ACTL7B: variants seen among roughly 807,000 people sequenced by gnomAD.
ACTL7B encodes the protein actin-like protein 7B.
A neutral mutation model predicts 17.5 loss-of-function variants in ACTL7B; 14 were observed. That is an observed-to-expected ratio of 0.80 (90% CI 0.53 to 1.25). The LOEUF (loss-of-function observed/expected upper bound fraction) is 1.25, where lower values mean the gene tolerates loss of function less well. ACTL7B is among the 50% of genes most tolerant of loss of function. The pLI is 0.00. For missense variants in ACTL7B, 599 were observed against 573.9 expected, an observed-to-expected ratio of 1.04 and a Z score of -0.45; for synonymous variants, 267 against 252.4, an observed-to-expected ratio of 1.06 and a Z score of -0.55.
At position 108,855,821 on chromosome 9, in the gene ACTL7B, G is replaced by A; in HGVS notation, c.110C>T (p.Thr37Ile). The change falls in exon 1 of 1, where the codon ACT (threonine) becomes ATT (isoleucine). Residue 37 changes from threonine (T) to isoleucine (I), a missense_variant. Transcript: ENST00000374667. ...DASLRDTGAA[T>I]QLKMKPRKVH... ...CTTCCTGGGCTTCATCTTGAGCTGA[G>A]TGGCCGCACCTGTGTCCCGGAGGCT... The A allele has an allele frequency of 6.2e-7, 1 of 1,611,410 alleles. No individual in the cohort carries two copies. Among genetic ancestry groups the A allele is most frequent in the Non-Finnish European group, 8.5e-7 (1 of 1,180,010 alleles).
Position 108,854,778 on chromosome 9 carries a change from A to G in ACTL7B, c.1153T>C (p.Ser385Pro). ...AAGGCCTGCAGGGAGGCCAGGATGG[A>G]ACCGCCGGTCCACACGGAGGTCTTC... ...ERKTSVWTGG[S>P]ILASLQAFQQ... The change falls in exon 1 of 1, where the codon TCC becomes CCC. Residue 385 changes from serine to proline, a missense_variant. By Grantham distance (74) the Ser-to-Pro change is moderately conservative. Transcript: ENST00000374667. The G allele has an allele frequency of 6.3e-7, 1 of 1,599,848 alleles. No homozygotes were observed. Among genetic ancestry groups the G allele is most frequent in the Non-Finnish European group, 8.5e-7 (1 of 1,172,186 alleles).
rs146150612 is a variant in ACTL7B at position 108,855,858 on chromosome 9, C to T, written c.73G>A (p.Gly25Ser). Reference sequence around the variant, plus strand: ...GTGTCCCGGAGGCTGGCGTCAGGGCCGGGCCGTGTTCCTGCCTCTCCAGGG... The same window carrying T: ...GTGTCCCGGAGGCTGGCGTCAGGGCTGGGCCGTGTTCCTGCCTCTCCAGGG... The part of the protein sequence containing the change: ...GDPGEAGTRP[G>S]PDASLRDTGA... The change falls in exon 1 of 1, where the codon GGC (glycine) becomes AGC (serine). Residue 25 changes from glycine to serine, a missense_variant. Physicochemically the swap from Gly to Ser is moderately conservative, Grantham distance 56. Coordinates refer to ENST00000374667, the MANE Select transcript of ACTL7B (RefSeq NM_006686.4). 5 of 1,610,784 alleles carry T rather than the reference C, an allele frequency of 3.1e-6. No homozygotes were observed. The African/African-American group carries it at 4.0e-5, about 13-fold the overall frequency.
chr9:108,854,755 G>C lies in ACTL7B; in HGVS notation c.1176C>G (p.Ala392=), dbSNP rs757396032. 5 of 1,576,226 alleles carry C rather than the reference G, an allele frequency of 3.2e-6. No individual in the cohort carries two copies. The East Asian group carries it at 9.0e-5, about 28-fold the overall frequency. Residue 392 remains alanine, a synonymous_variant, in exon 1 of 1, where the codon GCC becomes GCG. Coordinates refer to ENST00000374667, the MANE Select transcript of ACTL7B (RefSeq NM_006686.4). ...TGGSILASLQ[A]FQQLWVSKEE... is the part of the protein sequence containing the mutation. ...CCTTGCTGACCCAGAGCTGTTGGAA[G>C]GCCTGCAGGGAGGCCAGGATGGAAC...
chr9:108,854,923 G>A lies in ACTL7B; in HGVS notation c.1008C>T (p.Ala336=), dbSNP rs1216922244. The A allele has an allele frequency of 1.3e-6, 2 of 1,516,200 alleles. No individual in the cohort carries two copies. Among genetic ancestry groups the A allele is most frequent in the Admixed American group, 2.2e-5 (1 of 44,838 alleles). The allele number at this position is 1,516,200 out of a possible 1,614,324, so 93.9% of individuals were successfully genotyped here. Residue 336 remains alanine, a synonymous_variant, in exon 1 of 1, where the codon GCC becomes GCT. Transcript: ENST00000374667. ...AGCCGCCACACAGTAGCACGTTGGC[G>A]GCCATCTCCTCCTTGAAGCCCGTGT... ...CQDTGFKEEM[A]ANVLLCGGCT...
Position 108,855,514 on chromosome 9 carries a change from C to G in ACTL7B, c.417G>C (p.Lys139Asn), listed in dbSNP as rs962431163. 5 of 1,613,608 alleles carry G rather than the reference C, an allele frequency of 3.1e-6. No homozygotes were observed. The highest frequency in any genetic ancestry group is 4.2e-6 in the Non-Finnish European group (5 of 1,180,048). Residue 139 changes from lysine to asparagine, a missense_variant, in exon 1 of 1, where the codon AAG becomes AAC. Physicochemically the swap from Lys to Asn is moderately conservative, Grantham distance 94 (BLOSUM62 0). Transcript: ENST00000374667. ...IWEYIFRTAM[K>N]ILPEEHAVLV... ...GCACAGCGTGCTCCTCGGGGAGGAT[C>G]TTCATGGCGGTGCGGAAGATGTACT...
Position 108,855,955 on chromosome 9 carries a change from C to A in ACTL7B, c.-25G>T. The A allele has an allele frequency of 6.5e-7, 1 of 1,549,090 alleles. No individual in the cohort carries two copies. The highest frequency in any genetic ancestry group is 1.3e-5 in the South Asian group (1 of 78,864). ...TCTGCCTCCCTTGCTCCCCTTCTCA[C>A]ATCCACAGCCTAGAGCCCCCTGGGG... On this transcript the variant is annotated 5_prime_UTR_variant, in exon 1 of 1. An upstream start codon of the reference 5' UTR is lost. Transcript: ENST00000374667.
Position 108,854,976 on chromosome 9 carries a change from T to C in ACTL7B, c.955A>G (p.Thr319Ala), listed in dbSNP as rs1269202919. 6.6e-7 allele frequency: 1 copy of C among 1,517,638 alleles called. No individual in the cohort carries two copies. The highest frequency in any genetic ancestry group is 8.8e-7 in the Non-Finnish European group (1 of 1,133,330). 94.0% of individuals were successfully genotyped at this position (1,517,638 alleles called of 1,614,324 possible). A position where few individuals can be genotyped will look rare whatever the true frequency, so the allele number is the denominator to read the frequency against. The change falls in exon 1 of 1, where the codon ACA becomes GCA. Residue 319 changes from threonine to alanine, a missense_variant. By Grantham distance (58) the Thr-to-Ala change is moderately conservative (BLOSUM62 0). Coordinates refer to ENST00000374667, the MANE Select transcript of ACTL7B (RefSeq NM_006686.4). Reference protein sequence around the residue: ...GSTQPGLPELTAACLGRCQDT... With the variant: ...GSTQPGLPELAAACLGRCQDT... ...TGGCAGCGGCCCAGGCAGGCAGCTGTGAGCTCCGGGAGGCCCGGCTGGGTG... is the reference window on the plus strand; with the variant it reads ...TGGCAGCGGCCCAGGCAGGCAGCTGCGAGCTCCGGGAGGCCCGGCTGGGTG...
Position 108,855,742 on chromosome 9 carries a change from G to A in ACTL7B, c.189C>T (p.Cys63=), listed in dbSNP as rs770078766. ...TGGGCCTCGGCTCTCCCGCGTAGCC[G>A]CACTTGCAGTACTGGGAGCCCAGGT... ...IIDLGSQYCK[C]GYAGEPRPTY... is the part of the protein sequence containing the mutation. The change falls in exon 1 of 1, where the codon TGC becomes TGT. Residue 63 remains cysteine, a synonymous_variant. Transcript: ENST00000374667. The A allele has an allele frequency of 2.5e-6, 4 of 1,608,868 alleles. No individual in the cohort carries two copies. The highest frequency in any genetic ancestry group is 4.5e-5 in the East Asian group (2 of 44,880).
At position 108,854,674 on chromosome 9, in the gene ACTL7B, T is replaced by C; in HGVS notation, c.*9A>G. 1 of 1,492,158 alleles carries C rather than the reference T, an allele frequency of 6.7e-7. No individual in the cohort carries two copies. Among genetic ancestry groups the C allele is most frequent in the Non-Finnish European group, 8.9e-7 (1 of 1,119,264 alleles). 92.4% of individuals were successfully genotyped at this position (1,492,158 alleles called of 1,614,324 possible). ...GTGCTGGAGGCCTTGTCTGTGGAAA[T>C]GCCGAGGCTCAGCACTTGCTGTAGA... On this transcript the variant is annotated 3_prime_UTR_variant, in exon 1 of 1. Coordinates refer to ENST00000374667, the MANE Select transcript of ACTL7B (RefSeq NM_006686.4).
Position 108,855,499 on chromosome 9 carries a change from C to T in ACTL7B, c.432G>A (p.Glu144=), listed in dbSNP as rs547380205. The change falls in exon 1 of 1, where the codon GAG becomes GAA. Residue 144 remains glutamate (E), a synonymous_variant. Coordinates refer to ENST00000374667, the MANE Select transcript of ACTL7B (RefSeq NM_006686.4). The part of the protein sequence containing the change: ...FRTAMKILPE[E]HAVLVSDPPL... ...GAGGGTCGGAGACCAGCACAGCGTG[C>T]TCCTCGGGGAGGATCTTCATGGCGG... The T allele has an allele frequency of 8.4e-5, 136 of 1,613,538 alleles. 1 individual carries two copies. The South Asian group carries it at 1.3e-3, about 16-fold the overall frequency.
chr9:108,855,435 GC>G lies in ACTL7B; in HGVS notation c.495del (p.Glu165AspfsTer14). ...SPSSNREKYAELMFETFGIPA... is the reference protein window; with the variant it reads ...SPSSNREKYAXLMFETFGIPA... ...GGGATGCCGAAGGTCTCAAACATGA[GC>G]TCCGCGTACTTCTCCCGGTTGCTGC... is the stretch of plus-strand genomic sequence containing the variant. On this transcript the variant is annotated frameshift_variant, in exon 1 of 1. Transcript: ENST00000374667. LOFTEE classifies it high-confidence loss of function. 2.5e-6 allele frequency: 4 copies of G among 1,613,328 alleles called. No homozygotes were observed. In the South Asian group the frequency reaches 4.4e-5, roughly 18 times the overall value.
chr9:108,855,789 T>G lies in ACTL7B; in HGVS notation c.142A>C (p.Lys48Gln), dbSNP rs1242891031. ...QLKMKPRKVH[K>Q]IKAVIIDLGS... ...AGGTCGATGATGACCGCCTTGATCT[T>G]GTGCACCTTCCTGGGCTTCATCTTG... The change falls in exon 1 of 1, where the codon AAG becomes CAG. Residue 48 changes from lysine (K) to glutamine (Q), a missense_variant. By Grantham distance (53) the Lys-to-Gln change is moderately conservative (BLOSUM62 1). Coordinates refer to ENST00000374667, the MANE Select transcript of ACTL7B (RefSeq NM_006686.4). 8 of 1,610,556 alleles carry G rather than the reference T, an allele frequency of 5.0e-6. No individual in the cohort carries two copies. In the South Asian group the frequency reaches 8.8e-5, roughly 18 times the overall value.
At position 108,855,297 on chromosome 9, in the gene ACTL7B, C is replaced by A; in HGVS notation, c.634G>T (p.Gly212Cys). The A allele has an allele frequency of 6.2e-7, 1 of 1,601,416 alleles. No individual in the cohort carries two copies. Among genetic ancestry groups the A allele is most frequent in the South Asian group, 1.1e-5 (1 of 91,004 alleles). Residue 212 changes from glycine (G) to cysteine (C), a missense_variant, in exon 1 of 1, where the codon GGC (glycine) becomes TGC (cysteine). Physicochemically the swap from Gly to Cys is radical, Grantham distance 159. Coordinates refer to ENST00000374667, the MANE Select transcript of ACTL7B (RefSeq NM_006686.4). Reference protein sequence around the residue: ...GVSHVVPISEGDVLPGLTSRA... With the variant: ...GVSHVVPISECDVLPGLTSRA... ...CTGGTCAGGCCCGGCAGCACGTCGC[C>A]CTCGGATATGGGCACCACGTGCGAG...
Position 108,854,607 on chromosome 9 carries a change from G to A in ACTL7B, c.*76C>T, listed in dbSNP as rs1230896763. Reference sequence around the variant, plus strand: ...GAGCCATTTCAGAGTAAACCTTTATGTGAAATTCTGTAAATGTGTATAGAG... The same window carrying A: ...GAGCCATTTCAGAGTAAACCTTTATATGAAATTCTGTAAATGTGTATAGAG... On this transcript the variant is annotated 3_prime_UTR_variant, in exon 1 of 1. Transcript: ENST00000374667. 3.0e-6 allele frequency: 4 copies of A among 1,340,396 alleles called. No individual in the cohort carries two copies. The highest frequency in any genetic ancestry group is 3.9e-6 in the Non-Finnish European group (4 of 1,034,354). The allele number at this position is 1,340,396 out of a possible 1,614,324, so 83.0% of individuals were successfully genotyped here.
At position 108,855,278 on chromosome 9, in the gene ACTL7B, A is replaced by G. The variant is rs1448842948; in HGVS notation, c.653T>C (p.Leu218Pro). The G allele has an allele frequency of 1.2e-5, 19 of 1,598,042 alleles. No homozygotes were observed. Among genetic ancestry groups the G allele is most frequent in the African/African-American group, 2.7e-5 (2 of 74,884 alleles). ...CCCAGCGTAGTCGGCGCGGCTGGTC[A>G]GGCCCGGCAGCACGTCGCCCTCGGA... ...PISEGDVLPG[L>P]TSRADYAGGD... The change falls in exon 1 of 1, where the codon CTG (leucine) becomes CCG (proline). Residue 218 changes from leucine (L) to proline (P), a missense_variant. Transcript: ENST00000374667.
chr9:108,855,593 T>C lies in ACTL7B; in HGVS notation c.338A>G (p.Asn113Ser). 6.2e-7 allele frequency: 1 copy of C among 1,613,774 alleles called. No homozygotes were observed. Among genetic ancestry groups the C allele is most frequent in the Non-Finnish European group, 8.5e-7 (1 of 1,180,036 alleles). Residue 113 changes from asparagine to serine, a missense_variant, in exon 1 of 1, where the codon AAC (asparagine) becomes AGC (serine). By Grantham distance (46) the Asn-to-Ser change is conservative (BLOSUM62 1). Transcript: ENST00000374667. ...LNTEAPLKLVNPLKHGIVVDW... is the reference protein window; with the variant it reads ...LNTEAPLKLVSPLKHGIVVDW... Reference sequence around the variant, plus strand: ...CACCACGATGCCGTGCTTCAGCGGGTTCACCAGCTTGAGAGGCGCCTCCGT... The same window carrying C: ...CACCACGATGCCGTGCTTCAGCGGGCTCACCAGCTTGAGAGGCGCCTCCGT...
rs1165083441 is a variant in ACTL7B, at chr9:108,855,507, G to C, written c.424C>G (p.Pro142Ala). The change falls in exon 1 of 1, where the codon CCC (proline) becomes GCC (alanine). Residue 142 changes from proline (P) to alanine (A), a missense_variant. Transcript: ENST00000374667. ...YIFRTAMKILPEEHAVLVSDP... is the reference protein window; with the variant it reads ...YIFRTAMKILAEEHAVLVSDP... ...GAGACCAGCACAGCGTGCTCCTCGG[G>C]GAGGATCTTCATGGCGGTGCGGAAG... The C allele has an allele frequency of 1.1e-5, 17 of 1,613,466 alleles. No homozygotes were observed. Among genetic ancestry groups the C allele is most frequent in the Non-Finnish European group, 1.4e-5 (16 of 1,180,054 alleles).
In ACTL7B at chr9:108,855,886, A is replaced by G; in HGVS notation, c.45T>C (p.Gly15=). The part of the protein sequence containing the change: ...NSPMPLGTAQ[G]DPGEAGTRPG... ...GCCGTGTTCCTGCCTCTCCAGGGTCACCCTGAGCCGTGCCCAGGGGCATGG... is the reference window on the plus strand; with the variant it reads ...GCCGTGTTCCTGCCTCTCCAGGGTCGCCCTGAGCCGTGCCCAGGGGCATGG... Residue 15 remains glycine (G), a synonymous_variant, in exon 1 of 1, where the codon GGT becomes GGC. Coordinates refer to ENST00000374667, the MANE Select transcript of ACTL7B (RefSeq NM_006686.4). 1 of 1,606,876 alleles carries G rather than the reference A, an allele frequency of 6.2e-7. No individual in the cohort carries two copies. Among genetic ancestry groups the G allele is most frequent in the East Asian group, 2.2e-5 (1 of 44,842 alleles).
At position 108,855,096 on chromosome 9, in the gene ACTL7B, C is replaced by T. The variant is rs756817360; in HGVS notation, c.835G>A (p.Val279Met). 6.3e-7 allele frequency: 1 copy of T among 1,594,934 alleles called. No individual in the cohort carries two copies. Among genetic ancestry groups the T allele is most frequent in the Admixed American group, 1.7e-5 (1 of 58,046 alleles). Residue 279 changes from valine to methionine, a missense_variant, in exon 1 of 1, where the codon GTG (valine) becomes ATG (methionine). By Grantham distance (21) the Val-to-Met change is conservative. Coordinates refer to ENST00000374667, the MANE Select transcript of ACTL7B (RefSeq NM_006686.4). Reference protein sequence around the residue: ...ELGLVPEELRVDYELPDGKLI... With the variant: ...ELGLVPEELRMDYELPDGKLI... ...TTGCCGTCCGGGAGCTCGTAGTCCA[C>T]GCGCAGCTCCTCCGGGACCAGGCCC...
Sources: gnomAD v4.1 joint callset for allele counts on GRCh38, gnomAD v4.1.1 for gene constraint, MANE v1.5 for transcripts, NCBI Gene and HGNC (gene_info 2026-07-23, HGNC 2026-07-21) for gene names.